Variants in TIAM2 observed in about 807,000 individuals in gnomAD.
TIAM2 encodes TIAM Rac1 associated GEF 2.
TIAM2 carries 80 observed loss-of-function variants against 152.9 expected under a neutral mutation model. The observed-to-expected ratio is 0.52, with a 90% CI of 0.44 to 0.63. TIAM2 has a LOEUF of 0.63. Ranked by LOEUF, TIAM2 falls within the 30% of genes least tolerant of loss-of-function variation. The probability of loss-of-function intolerance (pLI) is 0.00; values close to 1 mark genes in which losing one functional copy is unlikely to be tolerated. For missense variants in TIAM2, 1,965 were observed against 2,120.1 expected, an observed-to-expected ratio of 0.93 and a Z score of 1.44; for synonymous variants, 804 against 838.0, an observed-to-expected ratio of 0.96 and a Z score of 0.70.
intron 1 of TIAM2, among the ~76,000 whole-genome samples, chr6:155,053,466 C>CTTTTT (rs11401916): frequency 1.1e-4 from 14 of 127,266 alleles, no homozygotes; most frequent in African/African-American, 2.4e-4. Flanking sequence ...ATTCTTGCAG[C>CTTTTT]TTTTTTTTTT....
At chr6:155,202,241 C>T (rs1005804296) in intron 14 of TIAM2, among the ~76,000 whole-genome samples, 1 of 152,052 alleles carries the variant, frequency 6.6e-6, no homozygotes, top group African/African-American at 2.4e-5. Flanking sequence ...TGTTTTCATT[C>T]TCTTTCACTG....
At chr6:155,061,812 T>A (rs1453720889) in intron 1 of TIAM2, among the ~76,000 whole-genome samples, 2 of 152,204 alleles carry the variant, frequency 1.3e-5, no homozygotes, top group East Asian at 1.9e-4. Flanking sequence ...CCAGAGAGTC[T>A]AGGATTGATT....
intron 7 of TIAM2, among the ~76,000 whole-genome samples, chr6:155,163,689 G>A (rs1392216865): frequency 3.3e-5 from 5 of 152,312 alleles, no homozygotes; most frequent in Non-Finnish European, 5.9e-5. Context: ...GAAACATAAA[G>A]TCATTGCTTT....
chr6:155,134,702 T>A (rs556172762), intron 4 of TIAM2, among the ~76,000 whole-genome samples: 2 of 152,160 alleles, frequency 1.3e-5, no homozygotes, highest in South Asian at 4.2e-4. Flanking sequence ...AGTTTTTTGT[T>A]TTTTTGTTTT....
intron 15 of TIAM2, among the ~76,000 whole-genome samples, chr6:155,215,432 G>T (rs1781831263): frequency 6.6e-6 from 1 of 152,098 alleles, no homozygotes; most frequent in African/African-American, 2.4e-5. Context: ...AAGAATATGA[G>T]CATGTTAAGC....
chr6:155,179,408 A>G lies in TIAM2; in HGVS notation c.2659A>G (p.Asn887Asp). Residue 887 changes from asparagine to aspartate, a missense_variant, in exon 12 of 27, where the codon AAT becomes GAT. Physicochemically the swap from Asn to Asp is conservative, Grantham distance 23. This residue lies in a region of TIAM2 where 1,025 missense variants were observed against 1,119.4 expected (regional missense o/e 0.92). Coordinates refer to ENST00000682666, the MANE Select transcript of TIAM2 (RefSeq NM_012454.4). ...TGATGAAATAGAAGTCTTTCCACTA[A>G]ATGTTTATGACGTGCAGCTCACGAA... The part of the protein sequence containing the change: ...VYDEIEVFPL[N>D]VYDVQLTKTG... 6.2e-7 allele frequency: 1 copy of G among 1,613,880 alleles called. No individual in the cohort carries two copies. Among genetic ancestry groups the G allele is most frequent in the South Asian group, 1.1e-5 (1 of 90,926 alleles).
At chr6:155,034,693 G>A (rs917932812) in intron 1 of TIAM2, among the ~76,000 whole-genome samples, 1 of 152,206 alleles carries the variant, frequency 6.6e-6, no homozygotes, top group Non-Finnish European at 1.5e-5. Flanking sequence ...CTCAGAGCAT[G>A]TGCTTTGGAG....
At chr6:155,122,886 C>G (rs761450165) in intron 2 of TIAM2, among the ~76,000 whole-genome samples, 8 of 148,448 alleles carry the variant, frequency 5.4e-5, no homozygotes, top group African/African-American at 2.0e-4. Flanking sequence ...TGAATGAAAT[C>G]TGTTGTTTTT....
intron 1 of TIAM2, chr6:155,005,059 G>T: frequency 2.2e-6 from 1 of 462,924 alleles, no homozygotes; most frequent in Non-Finnish European, 3.6e-6. Flanking sequence ...TGGATGGTCA[G>T]TTGCACCAGA....
chr6:155,162,369 A>G (rs572105124), intron 7 of TIAM2, among the ~76,000 whole-genome samples: 1 of 152,374 alleles, frequency 6.6e-6, no homozygotes, highest in South Asian at 2.1e-4. Flanking sequence ...ACTTTAATGC[A>G]TTATCCAATC....
intron 14 of TIAM2, among the ~76,000 whole-genome samples, chr6:155,198,932 A>G (rs1781416401): frequency 6.6e-6 from 1 of 152,136 alleles, no homozygotes; most frequent in South Asian, 2.1e-4. Flanking sequence ...CCTACTGCAT[A>G]TCCTGGGAGT....
At chr6:155,040,306 G>T (rs1777002411) in intron 1 of TIAM2, among the ~76,000 whole-genome samples, 2 of 152,054 alleles carry the variant, frequency 1.3e-5, no homozygotes, top group East Asian at 1.9e-4. Context: ...CTTCCATGTG[G>T]CTCAGGGCTG....
chr6:155,025,375 A>G (rs1470023459), intron 1 of TIAM2, among the ~76,000 whole-genome samples: 3 of 151,956 alleles, frequency 2.0e-5, no homozygotes, highest in Non-Finnish European at 4.4e-5. Context: ...TTGTATTTTT[A>G]GTAGAGACGG....
At chr6:155,155,284 C>T (rs1172419374) in intron 7 of TIAM2, among the ~76,000 whole-genome samples, 2 of 151,890 alleles carry the variant, frequency 1.3e-5, no homozygotes, top group East Asian at 1.9e-4. Flanking sequence ...TCAAGTGATT[C>T]TCGTCCCTCA....
chr6:155,251,141 TGGGGACTTAACA>T (rs1783632711), intron 22 of TIAM2, 120 bp downstream of exon 22: 1 of 834,338 alleles, frequency 1.2e-6, no homozygotes, highest in Admixed American at 2.0e-5. Flanking sequence ...CTATAATGGT[TGGGGACTTAACA>T]GGGCCAGCCC....
Position 155,257,718 on chromosome 6 carries a change from G to T in TIAM2, c.*597G>T. The T allele has an allele frequency of 8.1e-7, 1 of 1,238,804 alleles. No individual in the cohort carries two copies. The highest frequency in any genetic ancestry group is 1.1e-6 in the Non-Finnish European group (1 of 871,316). The allele number at this position is 1,238,804 out of a possible 1,614,324, so 76.7% of individuals were successfully genotyped here. On this transcript the variant is annotated 3_prime_UTR_variant, in exon 27 of 27. Coordinates refer to ENST00000682666, the MANE Select transcript of TIAM2 (RefSeq NM_012454.4). ...AAGCTGTATAGTAAAAGGAAAATAA[G>T]TCACATCTGGTCATTGGCATTTGTA...
chr6:155,196,374 C>T (rs939016778), intron 14 of TIAM2, among the ~76,000 whole-genome samples: 2 of 152,078 alleles, frequency 1.3e-5, no homozygotes, highest in East Asian at 1.9e-4. Context: ...CTTCCAAAAC[C>T]GTTTTGAAAT....
At chr6:155,227,271 G>T (rs1445379335) in intron 15 of TIAM2, among the ~76,000 whole-genome samples, 1 of 152,206 alleles carries the variant, frequency 6.6e-6, no homozygotes, top group African/African-American at 2.4e-5. Flanking sequence ...TAGGCATGCG[G>T]AATGGCTTTG....
At chr6:155,250,191 C>T (rs930225459) in intron 21 of TIAM2, among the ~76,000 whole-genome samples, 1 of 151,912 alleles carries the variant, frequency 6.6e-6, no homozygotes, top group Non-Finnish European at 1.5e-5. Flanking sequence ...TTCACATTGT[C>T]TGGAACATCC....
Sources: gnomAD v4.1 joint callset for allele counts (sites outside exome capture counted in the v4.1 genomes callset) on GRCh38, gnomAD v4.1.1 for gene constraint, gnomAD v4.1.1 regional missense constraint, MANE v1.5 for transcripts, NCBI Gene and HGNC (gene_info 2026-07-23, HGNC 2026-07-21) for gene names.